The following JMJD6 variants were observed in gnomAD, a reference collection of about 807,000 sequenced individuals.
JMJD6 encodes the protein bifunctional arginine demethylase and lysyl-hydroxylase JMJD6.
A neutral mutation model predicts 45.8 loss-of-function variants in JMJD6; 17 were observed. The observed-to-expected ratio is 0.37, with a 90% CI of 0.25 to 0.56. The LOEUF is 0.56. JMJD6 is among the 20% of genes least tolerant of loss of function. The pLI is 0.79. For missense variants in JMJD6, 470 were observed against 517.5 expected (o/e 0.91, Z 0.89); for synonymous variants, 221 against 196.3 (o/e 1.13, Z -1.05).
At chr17:76,718,356 G>T, downstream of JMJD6, 1 of 877,206 alleles carries the variant, frequency 1.1e-6, no homozygotes, top group Non-Finnish European at 1.5e-6. Context: ...GGTCAAGGAT[G>T]CACAGCAGGA....
chr17:76,726,248 C>A, intron 1 of JMJD6, 99 bp downstream of exon 1: 2 of 1,420,708 alleles, frequency 1.4e-6, no homozygotes, highest in Non-Finnish European at 1.8e-6. Context: ...TACGAGGTCC[C>A]GGGCGCTCGG....
At chr17:76,720,289 T>A in intron 5 of JMJD6, 71 bp downstream of exon 5, 2 of 1,410,466 alleles carry the variant, frequency 1.4e-6, no homozygotes, top group Non-Finnish European at 2.0e-6. Context: ...GGAGGAAGAG[T>A]CACACCTGGT....
rs1334971832 is a variant in JMJD6, at chr17:76,724,293, TG to T, written c.519-236del. On this transcript the variant is annotated intron_variant, in intron 2 of 5. Coordinates refer to ENST00000397625, the MANE Select transcript of JMJD6 (RefSeq NM_015167.3). ...CACACCACCACGCCTGGCTAATTTT[TG>T]TATTTTTAGTAGAGACAGGGTTTCA... Among the ~76,000 whole-genome samples, 5 of 151,976 alleles carry T rather than the reference TG, an allele frequency of 3.3e-5. No homozygotes were observed. The East Asian group carries it at 9.8e-4, about 30-fold the overall frequency.
intron 2 of JMJD6, among the ~76,000 whole-genome samples, chr17:76,725,091 C>T (rs577447389): frequency 6.6e-6 from 1 of 152,186 alleles, no homozygotes; most frequent in African/African-American, 2.4e-5. Flanking sequence ...CTGAACTCAG[C>T]GAGCAAATGC....
chr17:76,725,898 AAAG>A, intron 1 of JMJD6, 43 bp from the exon 2 acceptor site: 1 of 1,539,978 alleles, frequency 6.5e-7, no homozygotes, highest in Admixed American at 2.2e-5. Context: ...AAAAAAAAAA[AAAG>A]TCCAGTGGCA....
rs1568000374 is a variant in JMJD6 at position 76,723,903 on chromosome 17, CCTT to C, written c.671_673del (p.Glu224del). ...AATAGCTTCGTCTTGCTGGTTCCCTCCTTCGTCTCGGGTCACTTTGATGAGTTC... is the reference window on the plus strand; with the variant it reads ...AATAGCTTCGTCTTGCTGGTTCCCTCCGTCTCGGGTCACTTTGATGAGTTC... On this transcript the variant is annotated inframe_deletion, in exon 3 of 6. Transcript: ENST00000397625. The C allele has an allele frequency of 4.3e-6, 7 of 1,614,066 alleles. No individual in the cohort carries two copies. Among genetic ancestry groups the C allele is most frequent in the Non-Finnish European group, 5.1e-6 (6 of 1,180,022 alleles).
intron 4 of JMJD6, among the ~76,000 whole-genome samples, chr17:76,720,992 T>C (rs184380361): frequency 5.9e-4 from 90 of 152,302 alleles, no homozygotes; most frequent in African/African-American, 1.8e-3. Context: ...ATAACAGAGA[T>C]GGTCCCCCCT....
intron 2 of JMJD6, 52 bp from the exon 3 acceptor site, chr17:76,724,110 C>T (rs770574180): frequency 6.4e-7 from 1 of 1,565,704 alleles, no homozygotes; most frequent in Non-Finnish European, 8.7e-7. Flanking sequence ...TACACACATA[C>T]CACACAAAAC....
chr17:76,718,534 C>T lies in JMJD6; in HGVS notation c.*195G>A, dbSNP rs145394703. 39 of 1,367,342 alleles carry T rather than the reference C, an allele frequency of 2.9e-5. No homozygotes were observed. The East Asian group carries it at 5.5e-4, about 19-fold the overall frequency. The allele number at this position is 1,367,342 out of a possible 1,614,324, so 84.7% of individuals were successfully genotyped here. On this transcript the variant is annotated 3_prime_UTR_variant, in exon 6 of 6. Transcript: ENST00000397625. ...ATTCTCTTGCCTGAGTAAAACAAGC[C>T]GCGTTTATCTGCATTGGTAGCAGAG...
intron 2 of JMJD6, 46 bp downstream of exon 2, chr17:76,725,421 A>AT: frequency 6.7e-7 from 1 of 1,493,076 alleles, no homozygotes; most frequent in Non-Finnish European, 8.9e-7. Context: ...AAAAAAAAAA[A>AT]AAAAAAAGAA....
In JMJD6 at chr17:76,726,428, CGCACTCCGCTT is replaced by C. The variant is rs2143760557; in HGVS notation, c.37_47del (p.Lys13AlafsTer29). ...CCAGCGAGTCCTTGAGCTCCGGCCG[CGCACTCCGCTT>C]GGCCTCGCGGATGCGCTTCTTGCTC... On this transcript the variant is annotated frameshift_variant, in exon 1 of 6. Coordinates refer to ENST00000397625, the MANE Select transcript of JMJD6 (RefSeq NM_015167.3). LOFTEE classifies it high-confidence loss of function. 6.2e-7 allele frequency: 1 copy of C among 1,604,550 alleles called. No homozygotes were observed. Among genetic ancestry groups the C allele is most frequent in the East Asian group, 2.3e-5 (1 of 43,300 alleles).
chr17:76,722,666 T>C (rs957288586), intron 3 of JMJD6, among the ~76,000 whole-genome samples: 2 of 151,848 alleles, frequency 1.3e-5, no homozygotes, highest in African/African-American at 4.8e-5. Context: ...GGCAACATGA[T>C]GAAACCCCGT....
Position 76,723,782 on chromosome 17 carries a change from G to A in JMJD6, c.795C>T (p.Val265=), listed in dbSNP as rs772051198. The A allele has an allele frequency of 8.1e-6, 13 of 1,613,914 alleles. No individual in the cohort carries two copies. The highest frequency in any genetic ancestry group is 4.5e-5 in the East Asian group (2 of 44,882). Residue 265 remains valine (V), a synonymous_variant, in exon 3 of 6, where the codon GTC becomes GTT. Transcript: ENST00000397625. ...CCAGTTCATCTATACCTGGTACAAA[G>A]ACAGTCTCTCCTGGTTTTTGTAAGA... ...LEILQKPGET[V]FVPGGWWHVV...
In JMJD6 at chr17:76,723,780, A is replaced by G. The variant is rs1418743067; in HGVS notation, c.797T>C (p.Phe266Ser). 6.2e-7 allele frequency: 1 copy of G among 1,614,022 alleles called. No homozygotes were observed. The highest frequency in any genetic ancestry group is 1.1e-5 in the South Asian group (1 of 91,078). The change falls in exon 3 of 6, where the codon TTT becomes TCT. Residue 266 changes from phenylalanine (F) to serine (S), a missense_variant. Phe to Ser is a radical substitution (Grantham distance 155). Transcript: ENST00000397625. ...EILQKPGETV[F>S]VPGGWWHVVL... is the part of the protein sequence containing the mutation. ...TTCCAGTTCATCTATACCTGGTACAAAGACAGTCTCTCCTGGTTTTTGTAA... is the reference window on the plus strand; with the variant it reads ...TTCCAGTTCATCTATACCTGGTACAGAGACAGTCTCTCCTGGTTTTTGTAA...
rs1200145456 is a variant in JMJD6 at position 76,726,547 on chromosome 17, C to G, written c.-72G>C. On this transcript the variant is annotated 5_prime_UTR_variant, in exon 1 of 6. Coordinates refer to ENST00000397625, the MANE Select transcript of JMJD6 (RefSeq NM_015167.3). ...CTTCCTGACACTAACGCACCCCTCC[C>G]CGGCCTGGGCGGCGGCGACGGCAGT... 9 of 1,506,744 alleles carry G rather than the reference C, an allele frequency of 6.0e-6. No homozygotes were observed. The highest frequency in any genetic ancestry group is 7.1e-6 in the Non-Finnish European group (8 of 1,133,734). The allele number at this position is 1,506,744 out of a possible 1,614,324, so 93.3% of individuals were successfully genotyped here.
chr17:76,723,769 T>C lies in JMJD6; in HGVS notation c.805+3A>G. On this transcript the variant is annotated splice_donor_region_variant and intron_variant, in intron 3 of 5. Transcript: ENST00000397625. ...AATGTACTTTCTTCCAGTTCATCTATACCTGGTACAAAGACAGTCTCTCCT... is the reference window on the plus strand; with the variant it reads ...AATGTACTTTCTTCCAGTTCATCTACACCTGGTACAAAGACAGTCTCTCCT... 6.2e-7 allele frequency: 1 copy of C among 1,613,822 alleles called. No homozygotes were observed. The highest frequency in any genetic ancestry group is 1.1e-5 in the South Asian group (1 of 91,080).
chr17:76,725,706 T>C lies in JMJD6; in HGVS notation c.279A>G (p.Lys93=). The C allele has an allele frequency of 1.2e-6, 2 of 1,614,112 alleles. No homozygotes were observed. Among genetic ancestry groups the C allele is most frequent in the South Asian group, 1.1e-5 (1 of 91,084 alleles). ...EKWTLERLKR[K]YRNQKFKCGE... The stretch of plus-strand genomic sequence containing the variant: ...CACACTTGAACTTCTGGTTCCGATA[T>C]TTCCTTTTTAGGCGCTCCAGAGTCC... Residue 93 remains lysine (K), a synonymous_variant, in exon 2 of 6, where the codon AAA becomes AAG. Transcript: ENST00000397625.
chr17:76,726,335 C>A lies in JMJD6; in HGVS notation c.129+12G>T. On this transcript the variant is annotated intron_variant, in intron 1 of 5. Transcript: ENST00000397625. ...GATGCCCGGCCTGGCCACCCCCGCC[C>A]GACCCGCTCACCGCCACGGCCGCCG... The A allele has an allele frequency of 6.4e-7, 1 of 1,565,920 alleles. No individual in the cohort carries two copies. Among genetic ancestry groups the A allele is most frequent in the Non-Finnish European group, 8.6e-7 (1 of 1,159,734 alleles).
At chr17:76,722,828 AGAGC>A (rs2076842363) in intron 3 of JMJD6, among the ~76,000 whole-genome samples, 1 of 119,738 alleles carries the variant, frequency 8.4e-6, no homozygotes, top group South Asian at 3.1e-4. Flanking sequence ...CCTGGGTGAC[AGAGC>A]GAGACTTGGT....
Sources: gnomAD v4.1 joint callset for allele counts (sites outside exome capture counted in the v4.1 genomes callset) on GRCh38, gnomAD v4.1.1 for gene constraint, MANE v1.5 for transcripts, NCBI Gene and HGNC (gene_info 2026-07-23, HGNC 2026-07-21) for gene names.